The following SEC16A variants were observed in gnomAD, a reference collection of about 807,000 sequenced individuals.
SEC16A encodes SEC16 homolog A, endoplasmic reticulum export factor, also known as protein transport protein Sec16A.
In SEC16A, 110 loss-of-function variants were observed where a neutral mutation model predicts 221.9. The ratio of observed to expected loss-of-function variants is 0.50; its 90% CI spans 0.42 to 0.58. SEC16A has a LOEUF of 0.58. Among genes scored for constraint, SEC16A ranks in the 20% least tolerant of loss-of-function variants. The pLI is 0.00. For synonymous variants in SEC16A, 1,393 were observed against 1,257.7 expected, an observed-to-expected ratio of 1.11 and a Z score of -2.28; for missense variants, 3,165 against 3,097.8, an observed-to-expected ratio of 1.02 and a Z score of -0.52.
Position 136,476,267 on chromosome 9 carries a change from T to G in SEC16A, c.1349A>C (p.Asp450Ala), listed in dbSNP as rs953873090. Reference sequence around the variant, plus strand: ...ATTCTCATACTGCGAGCCGCTGGCATCCGGCACCCCTGTGCTCGCTGTGTC... The same window carrying G: ...ATTCTCATACTGCGAGCCGCTGGCAGCCGGCACCCCTGTGCTCGCTGTGTC... ...WGDTASTGVP[D>A]ASGSQYENVE... The change falls in exon 3 of 32, where the codon GAT (aspartate) becomes GCT (alanine). Residue 450 changes from aspartate (D) to alanine (A), a missense_variant. Asp to Ala is a moderately radical substitution (Grantham distance 126). This residue lies in a region of SEC16A where 2,030 missense variants were observed against 1,923.1 expected (regional missense o/e 1.06). Transcript: ENST00000684901. The G allele has an allele frequency of 6.2e-7, 1 of 1,613,280 alleles. No homozygotes were observed. The highest frequency in any genetic ancestry group is 1.3e-5 in the African/African-American group (1 of 74,986).
rs1475117950 is a variant in SEC16A at position 136,476,496 on chromosome 9, T to C, written c.1120A>G (p.Met374Val). 2 of 1,613,104 alleles carry C rather than the reference T, an allele frequency of 1.2e-6. No homozygotes were observed. The highest frequency in any genetic ancestry group is 1.7e-6 in the Non-Finnish European group (2 of 1,179,702). Reference sequence around the variant, plus strand: ...TCTGTCTCTCCCCCTTGGAAAAACATCGCCAGAGCTCCTGAAGCTCCTGAG... The same window carrying C: ...TCTGTCTCTCCCCCTTGGAAAAACACCGCCAGAGCTCCTGAAGCTCCTGAG... Reference protein sequence around the residue: ...ADSGASGALAMFFQGGETENE... With the variant: ...ADSGASGALAVFFQGGETENE... The change falls in exon 3 of 32, where the codon ATG (methionine) becomes GTG (valine). Residue 374 changes from methionine to valine, a missense_variant. This residue lies in a region of SEC16A where 2,030 missense variants were observed against 1,923.1 expected (regional missense o/e 1.06). Transcript: ENST00000684901.
At chr9:136,446,578 G>A (rs917793318) in intron 28 of SEC16A, among the ~76,000 whole-genome samples, 5 of 150,570 alleles carry the variant, frequency 3.3e-5, no homozygotes, top group Non-Finnish European at 5.9e-5. Context: ...TGTAAAATTT[G>A]CCACTTTAAT....
In SEC16A at chr9:136,447,313, C is replaced by T. The variant is rs746045861; in HGVS notation, c.6611G>A (p.Arg2204Gln). Residue 2204 changes from arginine (R) to glutamine (Q), a missense_variant, in exon 27 of 32, where the codon CGG becomes CAG. By Grantham distance (43) the Arg-to-Gln change is conservative (BLOSUM62 1). Transcript: ENST00000684901. This position sits in a 1 kb window ranked among gnomAD's most constrained non-coding sequence, Gnocchi z 5.5. ...CGCAGGAGCGAGAGCCGGCTCGCTC[C>T]GCTGGGTCCCGCTTGGGTTCAGGAC... ...VDVLNPSGTQ[R>Q]SEPALAPADF... The T allele has an allele frequency of 8.2e-6, 13 of 1,593,156 alleles. No individual in the cohort carries two copies. Among genetic ancestry groups the T allele is most frequent in the Admixed American group, 3.6e-5 (2 of 56,232 alleles).
At chr9:136,448,037 A>C in intron 24 of SEC16A, 47 bp downstream of exon 24, 1 of 1,573,136 alleles carries the variant, frequency 6.4e-7, no homozygotes, top group East Asian at 2.2e-5. Context: ...TGACAGAAAA[A>C]TCATTACAAT....
intron 8 of SEC16A, 24 bp downstream of exon 8, chr9:136,465,938 C>A (rs756042248): frequency 6.2e-7 from 1 of 1,600,928 alleles, no homozygotes; most frequent in Non-Finnish European, 8.5e-7. Flanking sequence ...TAGCCGGTAT[C>A]CCTCTGTCCT....
Position 136,475,404 on chromosome 9 carries a change from C to T in SEC16A, c.2212G>A (p.Val738Ile), listed in dbSNP as rs751923568. The change falls in exon 3 of 32, where the codon GTC becomes ATC. Residue 738 changes from valine (V) to isoleucine (I), a missense_variant. This residue lies in a region of SEC16A where 2,030 missense variants were observed against 1,923.1 expected (regional missense o/e 1.06). Transcript: ENST00000684901. The surrounding 1 kb of genome is among the most constrained non-coding windows in gnomAD (Gnocchi z 5.0). The part of the protein sequence containing the change: ...QSELPDFGGN[V>I]LLAPAAPALY... Reference sequence around the variant, plus strand: ...GCCGGGGCTGCAGGGGCCAGAAGGACGTTGCCTCCAAAATCTGGCAGCTCA... The same window carrying T: ...GCCGGGGCTGCAGGGGCCAGAAGGATGTTGCCTCCAAAATCTGGCAGCTCA... The T allele has an allele frequency of 1.2e-5, 20 of 1,610,394 alleles. No individual in the cohort carries two copies. The highest frequency in any genetic ancestry group is 2.2e-5 in the East Asian group (1 of 44,796).
chr9:136,457,314 A>C lies in SEC16A; in HGVS notation c.5550+130T>G. ...CCATTCAAAGATCTTTATCCGCCCA[A>C]GAGGCAGGTTCTGAGCGCCTACCAC... On this transcript the variant is annotated intron_variant, in intron 18 of 31. Coordinates refer to ENST00000684901, the MANE Select transcript of SEC16A (RefSeq NM_014866.2). 13 of 996,612 alleles carry C rather than the reference A, an allele frequency of 1.3e-5. No individual in the cohort carries two copies. The South Asian group carries it at 2.2e-4, about 17-fold the overall frequency. 61.7% of individuals were successfully genotyped at this position (996,612 alleles called of 1,614,324 possible). A position where few individuals can be genotyped will look rare whatever the true frequency, so the allele number is the denominator to read the frequency against.
At position 136,441,657 on chromosome 9, in the gene SEC16A, C is replaced by T. The variant is rs1040683767; in HGVS notation, c.*98G>A. On this transcript the variant is annotated 3_prime_UTR_variant, in exon 32 of 32. Transcript: ENST00000684901. The stretch of plus-strand genomic sequence containing the variant: ...GACCAGCTCTGAGTCACTGCTGTGT[C>T]TCCCTGGGGGCGGGACGGAGATCGC... 9.7e-7 allele frequency: 1 copy of T among 1,028,526 alleles called. No homozygotes were observed. Among genetic ancestry groups the T allele is most frequent in the South Asian group, 1.3e-5 (1 of 75,618 alleles). The allele number at this position is 1,028,526 out of a possible 1,614,324, so 63.7% of individuals were successfully genotyped here. A position where few individuals can be genotyped will look rare whatever the true frequency, so the allele number is the denominator to read the frequency against.
In SEC16A at chr9:136,477,680, T is replaced by C. The variant is rs1841828538; in HGVS notation, c.-65A>G. Reference sequence around the variant, plus strand: ...AAGCAGGATATAGCTGTTCCTTAATTGGAGCTGGAAAAGAAAAAGAGAAAA... The same window carrying C: ...AAGCAGGATATAGCTGTTCCTTAATCGGAGCTGGAAAAGAAAAAGAGAAAA... On this transcript the variant is annotated 5_prime_UTR_variant, in exon 3 of 32. Transcript: ENST00000684901. The C allele has an allele frequency of 4.1e-6, 6 of 1,474,954 alleles. No homozygotes were observed. The highest frequency in any genetic ancestry group is 1.4e-5 in the African/African-American group (1 of 70,492). 91.4% of individuals were successfully genotyped at this position (1,474,954 alleles called of 1,614,324 possible).
At position 136,468,735 on chromosome 9, in the gene SEC16A, C is replaced by T. The variant is rs191415639; in HGVS notation, c.3705-223G>A. Among the ~76,000 whole-genome samples the T allele has an allele frequency of 8.5e-5, 13 of 152,304 alleles. 1 individual carries two copies. The highest frequency in any genetic ancestry group is 6.2e-4 in the South Asian group (3 of 4,830). On this transcript the variant is annotated intron_variant, in intron 4 of 31. Coordinates refer to ENST00000684901, the MANE Select transcript of SEC16A (RefSeq NM_014866.2). Reference sequence around the variant, plus strand: ...CTTGGTAAAATAACTAAGAGCCGTTCGGCTAAAAAGAACTGACCCTTTTTG... The same window carrying T: ...CTTGGTAAAATAACTAAGAGCCGTTTGGCTAAAAAGAACTGACCCTTTTTG...
At chr9:136,455,014 C>T (rs1316313289) in intron 20 of SEC16A, among the ~76,000 whole-genome samples, 1 of 152,122 alleles carries the variant, frequency 6.6e-6, no homozygotes, top group Non-Finnish European at 1.5e-5. Flanking sequence ...CCGTGAGGAC[C>T]CTGGCTTGTC....
In SEC16A at chr9:136,475,159, G is replaced by A. The variant is rs1191308065; in HGVS notation, c.2457C>T (p.Pro819=). ...SGYASLLSSP[P]TESLQNPPVL... Reference sequence around the variant, plus strand: ...CTGGAGGATTCTGCAGAGACTCAGTGGGCGGTGAGGATAATAAACTTGCAT... The same window carrying A: ...CTGGAGGATTCTGCAGAGACTCAGTAGGCGGTGAGGATAATAAACTTGCAT... The change falls in exon 3 of 32, where the codon CCC becomes CCT. Residue 819 remains proline (P), a synonymous_variant. Transcript: ENST00000684901. The surrounding 1 kb of genome is among the most constrained non-coding windows in gnomAD (Gnocchi z 5.0). The A allele has an allele frequency of 6.2e-7, 1 of 1,613,892 alleles. No homozygotes were observed. The highest frequency in any genetic ancestry group is 8.5e-7 in the Non-Finnish European group (1 of 1,179,872).
At position 136,476,301 on chromosome 9, in the gene SEC16A, C is replaced by T; in HGVS notation, c.1315G>A (p.Val439Met). Residue 439 changes from valine to methionine, a missense_variant, in exon 3 of 32, where the codon GTG becomes ATG. This residue lies in a region of SEC16A where 2,030 missense variants were observed against 1,923.1 expected (regional missense o/e 1.06). Transcript: ENST00000684901. ...PGPSNEAAGD[V>M]WGDTASTGVP... is the part of the protein sequence containing the mutation. ...CCTGTGCTCGCTGTGTCACCCCACA[C>T]ATCACCAGCAGCCTCATTGCTGGGG... 6.2e-7 allele frequency: 1 copy of T among 1,613,048 alleles called. No individual in the cohort carries two copies.
rs369962913 is a variant in SEC16A at position 136,447,540 on chromosome 9, G to T, written c.6559+29C>A. The T allele has an allele frequency of 1.9e-6, 3 of 1,581,300 alleles. No homozygotes were observed. The East Asian group carries it at 6.7e-5, about 35-fold the overall frequency. ...CTCTCTGGGACAGTTAATCGTTCAAGCAAGCTCCCACTCCAAGGCCACCCT... is the reference window on the plus strand; with the variant it reads ...CTCTCTGGGACAGTTAATCGTTCAATCAAGCTCCCACTCCAAGGCCACCCT... On this transcript the variant is annotated intron_variant, in intron 26 of 31. Transcript: ENST00000684901. This position sits in a 1 kb window ranked among gnomAD's most constrained non-coding sequence, Gnocchi z 5.5.
In SEC16A at chr9:136,472,074, T is replaced by G. The variant is rs374240602; in HGVS notation, c.3605A>C (p.Tyr1202Ser). The change falls in exon 4 of 32, where the codon TAT becomes TCT. Residue 1202 changes from tyrosine to serine, a missense_variant. Physicochemically the swap from Tyr to Ser is moderately radical, Grantham distance 144. Around this residue, in one of 3 missense-constraint regions of SEC16A, gnomAD observed 2,030 missense variants for 1,923.1 expected, o/e 1.06. Coordinates refer to ENST00000684901, the MANE Select transcript of SEC16A (RefSeq NM_014866.2). ...YSLYEPRYRP[Y>S]DGAASAYAQN... ...GGCGTAAGCAGACGCAGCACCATCATAGGGCCTGTATCGAGGCTCATAGAG... is the reference window on the plus strand; with the variant it reads ...GGCGTAAGCAGACGCAGCACCATCAGAGGGCCTGTATCGAGGCTCATAGAG... The G allele has an allele frequency of 1.1e-5, 17 of 1,613,526 alleles. No individual in the cohort carries two copies. The highest frequency in any genetic ancestry group is 1.4e-5 in the Non-Finnish European group (17 of 1,179,894).
chr9:136,461,419 C>CTTT (rs1839467062), intron 12 of SEC16A, 145 bp from the exon 13 acceptor site: 1 of 658,750 alleles, frequency 1.5e-6, no homozygotes. Flanking sequence ...CATTTGGAGA[C>CTTT]TAAAGACACG....
chr9:136,466,170 C>T lies in SEC16A; in HGVS notation c.4129-34G>A. ...ACAAAGCAAACGGGCAAAATCAATT[C>T]CCCAGGCACAGCAGTAAAACTTTAG... On this transcript the variant is annotated intron_variant, in intron 7 of 31. Coordinates refer to ENST00000684901, the MANE Select transcript of SEC16A (RefSeq NM_014866.2). The surrounding 1 kb of genome is among the most constrained non-coding windows in gnomAD (Gnocchi z 5.5). The T allele has an allele frequency of 6.4e-7, 1 of 1,571,146 alleles. No homozygotes were observed. Among genetic ancestry groups the T allele is most frequent in the Admixed American group, 1.8e-5 (1 of 56,358 alleles).
At chr9:136,482,453 C>G (rs1181046941) in intron 1 of SEC16A, among the ~76,000 whole-genome samples, 2 of 152,238 alleles carry the variant, frequency 1.3e-5, no homozygotes, top group Admixed American at 6.5e-5. Flanking sequence ...AGCCGGATCA[C>G]ACACACTCCT....
intron 31 of SEC16A, 143 bp downstream of exon 31, chr9:136,443,680 C>A (rs1291951610): frequency 5.0e-6 from 3 of 599,426 alleles, no homozygotes; most frequent in African/African-American, 1.9e-5. Context: ...AGAGCAAGAC[C>A]CTGTCTCAAT....
Sources: gnomAD v4.1 joint callset for allele counts (sites outside exome capture counted in the v4.1 genomes callset) on GRCh38, gnomAD v4.1.1 for gene constraint, gnomAD v4.1.1 regional missense constraint, Gnocchi (gnomAD v3.1) non-coding constraint, MANE v1.5 for transcripts, NCBI Gene and HGNC (gene_info 2026-07-23, HGNC 2026-07-21) for gene names.